Variants in NEO1 observed in about 807,000 individuals in gnomAD.
NEO1 encodes the protein neogenin 1.
NEO1 carries 63 observed loss-of-function variants against 159.7 expected under a neutral mutation model. The observed-to-expected ratio is 0.39, with a 90% confidence interval of 0.32 to 0.49. NEO1 has a LOEUF of 0.49. Among genes scored for constraint, NEO1 ranks in the 20% least tolerant of loss-of-function variants. NEO1 has a pLI of 0.85. For missense variants in NEO1, 1,615 were observed against 1,831.0 expected, an observed-to-expected ratio of 0.88 and a Z score of 2.15; for synonymous variants, 633 against 662.0, an observed-to-expected ratio of 0.96 and a Z score of 0.67.
At chr15:73,180,501 C>G (rs906861374) in intron 7 of NEO1, among the ~76,000 whole-genome samples, 1 of 152,132 alleles carries the variant, frequency 6.6e-6, no homozygotes, top group Non-Finnish European at 1.5e-5. Flanking sequence ...GGTAGATAGG[C>G]TTATTTCTTT....
intron 1 of NEO1, among the ~76,000 whole-genome samples, chr15:73,099,171 C>T (rs2070258611): frequency 6.6e-6 from 1 of 152,074 alleles, no homozygotes; most frequent in South Asian, 2.1e-4. Context: ...GGTTGGTGTC[C>T]TATTCTTCTG....
At chr15:73,205,254 AG>A (rs1364636784) in intron 7 of NEO1, among the ~76,000 whole-genome samples, 3 of 152,076 alleles carry the variant, frequency 2.0e-5, no homozygotes, top group Admixed American at 6.6e-5. Context: ...TCCCATCTGT[AG>A]TGTTCCCAAT....
At chr15:73,208,570 T>A (rs1365775982) in intron 7 of NEO1, among the ~76,000 whole-genome samples, 2 of 152,150 alleles carry the variant, frequency 1.3e-5, no homozygotes, top group Non-Finnish European at 2.9e-5. Context: ...TCTATAAAAA[T>A]CTTAAGATTG....
At chr15:73,177,576 T>G (rs190201575) in intron 6 of NEO1, among the ~76,000 whole-genome samples, 9 of 152,324 alleles carry the variant, frequency 5.9e-5, no homozygotes, top group African/African-American at 1.7e-4. Flanking sequence ...AGACAGGGTC[T>G]CGCTGTGTCA....
intron 7 of NEO1, among the ~76,000 whole-genome samples, chr15:73,215,347 G>A (rs2037815918): frequency 6.6e-6 from 1 of 152,126 alleles, no homozygotes; most frequent in Non-Finnish European, 1.5e-5. Context: ...GGGCATTCTT[G>A]TCGTGTTCCT....
intron 8 of NEO1, among the ~76,000 whole-genome samples, chr15:73,237,197 G>C (rs1796165182): frequency 6.6e-6 from 1 of 151,948 alleles, no homozygotes; most frequent in South Asian, 2.1e-4. Context: ...ATCCTTCTTG[G>C]CCCAGGTTAA....
At chr15:73,217,256 T>C (rs947972056) in intron 7 of NEO1, among the ~76,000 whole-genome samples, 40 of 151,076 alleles carry the variant, frequency 2.6e-4, no homozygotes, top group African/African-American at 7.0e-4. Context: ...GCAGTGTTAT[T>C]TCTGAGGGCT....
chr15:73,246,737 G>A (rs1007238415), intron 9 of NEO1, among the ~76,000 whole-genome samples: 32 of 152,312 alleles, frequency 2.1e-4, no homozygotes, highest in African/African-American at 6.5e-4. Flanking sequence ...GAAACTGCAT[G>A]AAAATAAATA....
At chr15:73,198,178 TC>T (rs1330788691) in intron 7 of NEO1, among the ~76,000 whole-genome samples, 1 of 152,198 alleles carries the variant, frequency 6.6e-6, no homozygotes, top group African/African-American at 2.4e-5. Flanking sequence ...CATTTTTTTT[TC>T]TAGCAGCACT....
intron 7 of NEO1, among the ~76,000 whole-genome samples, chr15:73,212,350 T>G (rs997196267): frequency 2.0e-5 from 3 of 152,218 alleles, no homozygotes; most frequent in African/African-American, 7.2e-5. Context: ...TTGGAGGTAC[T>G]TAGATTGACT....
At chr15:73,184,157 A>G in intron 7 of NEO1, among the ~76,000 whole-genome samples, 1 of 152,002 alleles carries the variant, frequency 6.6e-6, no homozygotes, top group South Asian at 2.1e-4. Context: ...AAATTAATTA[A>G]TTAATTAATT....
chr15:73,220,102 C>G (rs1374116955), intron 7 of NEO1, among the ~76,000 whole-genome samples: 1 of 151,834 alleles, frequency 6.6e-6, no homozygotes, highest in Admixed American at 6.6e-5. Context: ...TTCAGGAGCT[C>G]TTTTAGGGCA....
At chr15:73,272,943 A>C (rs2041239947) in intron 19 of NEO1, among the ~76,000 whole-genome samples, 2 of 138,558 alleles carry the variant, frequency 1.4e-5, no homozygotes, top group South Asian at 4.8e-4. Flanking sequence ...ATAAACAGAG[A>C]TTCTGCTCTT....
chr15:73,132,731 A>G (rs914084622), intron 4 of NEO1, among the ~76,000 whole-genome samples: 5 of 152,194 alleles, frequency 3.3e-5, no homozygotes, highest in Admixed American at 1.3e-4. Context: ...AAGGACATGA[A>G]TAGACAATTC....
intron 5 of NEO1, among the ~76,000 whole-genome samples, chr15:73,153,173 T>C (rs900349702): frequency 1.3e-5 from 2 of 152,162 alleles, no homozygotes; most frequent in Non-Finnish European, 2.9e-5. Flanking sequence ...TTGTTTCTCA[T>C]TGGACTGGAT....
chr15:73,097,177 T>G (rs796467412), intron 1 of NEO1, among the ~76,000 whole-genome samples: 10 of 152,222 alleles, frequency 6.6e-5, no homozygotes, highest in African/African-American at 2.4e-4. Context: ...ATGGCTAAAT[T>G]CTTAGGACTG....
intron 1 of NEO1, among the ~76,000 whole-genome samples, chr15:73,067,816 C>T (rs565254060): frequency 6.6e-6 from 1 of 152,146 alleles, no homozygotes; most frequent in South Asian, 2.1e-4. Flanking sequence ...CGGGGTTTCA[C>T]TGTGTTAGCT....
intron 25 of NEO1, among the ~76,000 whole-genome samples, chr15:73,292,566 A>G (rs138051226): frequency 0.014 from 2,063 of 152,354 alleles, 18 homozygotes; most frequent in South Asian, 0.017. Context: ...CATAGAAAGT[A>G]GTACATGGAA....
At chr15:73,150,716 C>G (rs2033298926) in intron 5 of NEO1, among the ~76,000 whole-genome samples, 1 of 152,108 alleles carries the variant, frequency 6.6e-6, no homozygotes, top group Non-Finnish European at 1.5e-5. Context: ...ATACACATTA[C>G]TATACAACCA....
Sources: allele counts gnomAD v4.1 joint callset (sites outside exome capture counted in the v4.1 genomes callset), GRCh38; gene constraint gnomAD v4.1.1; transcripts MANE v1.5; gene names NCBI Gene and HGNC (gene_info 2026-07-23, HGNC 2026-07-21).